The following TAFA1 variants were observed in gnomAD, a reference collection of about 807,000 sequenced individuals.
The protein encoded by TAFA1 is chemokine-like protein TAFA-1.
TAFA1 carries 4 observed loss-of-function variants against 18.5 expected under a neutral mutation model. That is an observed-to-expected ratio of 0.22 (90% CI 0.11 to 0.49). The LOEUF is 0.49. TAFA1 is among the 20% of genes least tolerant of loss of function. The pLI is 0.98. For synonymous variants in TAFA1, 56 were observed against 55.2 expected (o/e 1.01, Z -0.06); for missense variants, 147 against 169.0 (o/e 0.87, Z 0.72).
At chr3:68,212,803 G>A (rs762099746) in intron 2 of TAFA1, among the ~76,000 whole-genome samples, 3 of 151,964 alleles carry the variant, frequency 2.0e-5, no homozygotes, top group Non-Finnish European at 2.9e-5. Flanking sequence ...TGGTTGCCAT[G>A]GAATTATTCA....
chr3:68,200,758 G>T (rs956109583), intron 2 of TAFA1, among the ~76,000 whole-genome samples: 17 of 151,026 alleles, frequency 1.1e-4, no homozygotes, highest in Admixed American at 9.9e-4. Flanking sequence ...TTTAAAATTA[G>T]CCTGGCTAGA....
intron 2 of TAFA1, among the ~76,000 whole-genome samples, chr3:68,141,414 C>A (rs1261671686): frequency 6.6e-6 from 1 of 152,094 alleles, no homozygotes; most frequent in Admixed American, 6.6e-5. Flanking sequence ...TAGACAAACC[C>A]TTTATTAAGA....
chr3:68,099,988 G>A (rs1313274110), intron 2 of TAFA1, among the ~76,000 whole-genome samples: 2 of 151,876 alleles, frequency 1.3e-5, no homozygotes, highest in African/African-American at 2.4e-5. Flanking sequence ...TAGACACTGG[G>A]GACAACTAGA....
At chr3:68,437,904 T>C (rs1461367334) in intron 3 of TAFA1, among the ~76,000 whole-genome samples, 1 of 152,058 alleles carries the variant, frequency 6.6e-6, no homozygotes, top group Non-Finnish European at 1.5e-5. Flanking sequence ...CAAAAGTCCG[T>C]CTACTTTTTT....
chr3:68,094,837 T>A (rs1286419898), intron 2 of TAFA1, among the ~76,000 whole-genome samples: 1 of 152,136 alleles, frequency 6.6e-6, no homozygotes, highest in Non-Finnish European at 1.5e-5. Context: ...TAGGGTGATG[T>A]GAAAAGTCAG....
chr3:68,278,496 A>C (rs1182351783), intron 2 of TAFA1, among the ~76,000 whole-genome samples: 2 of 152,012 alleles, frequency 1.3e-5, no homozygotes, highest in Non-Finnish European at 2.9e-5. Flanking sequence ...TTTACTTCTT[A>C]TTCTAGTAAG....
intron 2 of TAFA1, among the ~76,000 whole-genome samples, chr3:68,066,325 C>T (rs1168726046): frequency 6.6e-6 from 1 of 151,996 alleles, no homozygotes; most frequent in Non-Finnish European, 1.5e-5. Context: ...ATCTTTGGTC[C>T]AGTGCTATAT....
intron 3 of TAFA1, among the ~76,000 whole-genome samples, chr3:68,492,335 A>G (rs531347050): frequency 3.6e-4 from 55 of 152,146 alleles, no homozygotes; most frequent in Non-Finnish European, 7.8e-4. Context: ...TTTTGCATCA[A>G]GTACTTTCCA....
intron 2 of TAFA1, among the ~76,000 whole-genome samples, chr3:68,010,613 A>G (rs1030605461): frequency 6.6e-6 from 1 of 152,086 alleles, no homozygotes; most frequent in African/African-American, 2.4e-5. Context: ...ACTACTTCCT[A>G]TTTTTCATAT....
At chr3:68,063,029 G>T (rs1294997565) in intron 2 of TAFA1, among the ~76,000 whole-genome samples, 1 of 152,128 alleles carries the variant, frequency 6.6e-6, no homozygotes. Flanking sequence ...AATGATTTTG[G>T]AGAATGGGAC....
At chr3:68,225,001 C>G (rs1034248497) in intron 2 of TAFA1, among the ~76,000 whole-genome samples, 1 of 140,674 alleles carries the variant, frequency 7.1e-6, no homozygotes, top group African/African-American at 2.6e-5. Context: ...CTCTGCCTCC[C>G]GGGTTCAAGC....
intron 2 of TAFA1, among the ~76,000 whole-genome samples, chr3:68,346,484 C>G (rs2069165762): frequency 6.6e-6 from 1 of 152,164 alleles, no homozygotes; most frequent in Non-Finnish European, 1.5e-5. Context: ...CTGGCATTTT[C>G]CTTCTCTGGG....
intron 2 of TAFA1, among the ~76,000 whole-genome samples, chr3:68,096,758 T>C (rs1371441803): frequency 1.3e-5 from 2 of 151,976 alleles, no homozygotes; most frequent in African/African-American, 4.8e-5. Context: ...TAACATGGAG[T>C]ATGTCTAGAT....
At chr3:68,301,749 G>A (rs2068305941) in intron 2 of TAFA1, among the ~76,000 whole-genome samples, 1 of 152,172 alleles carries the variant, frequency 6.6e-6, no homozygotes, top group South Asian at 2.1e-4. Context: ...TCTAAAAACT[G>A]TCAGAAGTCG....
chr3:68,209,034 A>T (rs1446008774), intron 2 of TAFA1, among the ~76,000 whole-genome samples: 1 of 151,970 alleles, frequency 6.6e-6, no homozygotes, highest in African/African-American at 2.4e-5. Context: ...GCCTGCGAGT[A>T]ACCTCTGGGT....
chr3:68,113,582 A>G (rs1236425234), intron 2 of TAFA1, among the ~76,000 whole-genome samples: 2 of 152,224 alleles, frequency 1.3e-5, no homozygotes, highest in Non-Finnish European at 2.9e-5. Context: ...GTCTTCATTA[A>G]ATGATTTCAT....
intron 2 of TAFA1, among the ~76,000 whole-genome samples, chr3:68,299,414 A>T (rs1256842515): frequency 2.0e-5 from 3 of 152,196 alleles, no homozygotes; most frequent in African/African-American, 7.2e-5. Context: ...TCAAGATGTG[A>T]CTTGGGTGCT....
At chr3:68,008,532 T>C (rs1559699891) in intron 2 of TAFA1, among the ~76,000 whole-genome samples, 1 of 152,070 alleles carries the variant, frequency 6.6e-6, no homozygotes. Context: ...AAACAGAAGC[T>C]CTGAAAGGTT....
At chr3:68,238,198 G>C (rs1489017976) in intron 2 of TAFA1, among the ~76,000 whole-genome samples, 1 of 152,122 alleles carries the variant, frequency 6.6e-6, no homozygotes, top group East Asian at 1.9e-4. Flanking sequence ...AACTGGGCCT[G>C]TACAAGTGTC....
Sources: allele counts gnomAD v4.1 joint callset (sites outside exome capture counted in the v4.1 genomes callset), GRCh38; gene constraint gnomAD v4.1.1; transcripts MANE v1.5; gene names NCBI Gene and HGNC (gene_info 2026-07-23, HGNC 2026-07-21).